WASF3: variants seen among roughly 807,000 people sequenced by gnomAD.
WASF3 encodes the protein WASP family member 3.
A neutral mutation model predicts 46.6 loss-of-function variants in WASF3; 11 were observed. The ratio of observed to expected loss-of-function variants is 0.24; its 90% CI spans 0.15 to 0.39. The LOEUF (loss-of-function observed/expected upper bound fraction) is 0.39. WASF3 is among the 10% of genes least tolerant of loss of function. The pLI is 1.00. For missense variants in WASF3, 576 were observed against 669.8 expected, an observed-to-expected ratio of 0.86 and a Z score of 1.55; for synonymous variants, 242 against 259.7, an observed-to-expected ratio of 0.93 and a Z score of 0.65.
At chr13:26,596,846 C>T (rs978903883) in intron 1 of WASF3, among the ~76,000 whole-genome samples, 3 of 152,190 alleles carry the variant, frequency 2.0e-5, no homozygotes, top group Non-Finnish European at 4.4e-5. Context: ...CTCATAGAAC[C>T]ACCTTCTGCT....
At chr13:26,665,191 A>G in intron 4 of WASF3, 29 bp downstream of exon 4, 2 of 1,609,836 alleles carry the variant, frequency 1.2e-6, no homozygotes, top group Non-Finnish European at 8.5e-7. Flanking sequence ...GCAGTGAGCT[A>G]GAAGTGATGT....
upstream of WASF3, among the ~76,000 whole-genome samples, chr13:26,553,162 CGCTGCA>C (rs1879005986): frequency 6.6e-6 from 1 of 152,204 alleles, no homozygotes; most frequent in Non-Finnish European, 1.5e-5. Flanking sequence ...CTTCACTACA[CGCTGCA>C]TGCACGGGAT....
chr13:26,667,509 C>T lies in WASF3; in HGVS notation c.269-8C>T. ...TATAACTCAACTTGGGGGATTTTCTCTAAATAGTCTCACTACAGGATATCA... is the reference window on the plus strand; with the variant it reads ...TATAACTCAACTTGGGGGATTTTCTTTAAATAGTCTCACTACAGGATATCA... On this transcript the variant is annotated splice_polypyrimidine_tract_variant and splice_region_variant and intron_variant, in intron 4 of 9. Coordinates refer to ENST00000335327, the MANE Select transcript of WASF3 (RefSeq NM_006646.6). 6.2e-7 allele frequency: 1 copy of T among 1,604,964 alleles called. No homozygotes were observed. Among genetic ancestry groups the T allele is most frequent in the Non-Finnish European group, 8.5e-7 (1 of 1,176,406 alleles).
In WASF3 at chr13:26,685,871, G is replaced by A. The variant is rs759683384; in HGVS notation, c.*26G>A. ...GCAAAGGCCGGCGGAGAGGCCGCGTGTGGGAGCGTGTTGAAGATTTTAAGT... is the reference window on the plus strand; with the variant it reads ...GCAAAGGCCGGCGGAGAGGCCGCGTATGGGAGCGTGTTGAAGATTTTAAGT... On this transcript the variant is annotated 3_prime_UTR_variant, in exon 10 of 10. Coordinates refer to ENST00000335327, the MANE Select transcript of WASF3 (RefSeq NM_006646.6). 4.4e-6 allele frequency: 7 copies of A among 1,603,650 alleles called. No homozygotes were observed. The Admixed American group carries it at 6.7e-5, about 15-fold the overall frequency.
At chr13:26,567,762 T>C (rs1455784600) in intron 1 of WASF3, among the ~76,000 whole-genome samples, 1 of 152,114 alleles carries the variant, frequency 6.6e-6, no homozygotes, top group Non-Finnish European at 1.5e-5. Context: ...CTATGCTTTC[T>C]TTAGTATACA....
intron 5 of WASF3, among the ~76,000 whole-genome samples, chr13:26,668,848 G>A (rs558220293): frequency 5.9e-5 from 9 of 152,314 alleles, no homozygotes; most frequent in Non-Finnish European, 1.3e-4. Context: ...TTAAGAATAT[G>A]TATGAATATA....
chr13:26,565,024 G>C (rs1879419018), intron 1 of WASF3, among the ~76,000 whole-genome samples: 1 of 143,370 alleles, frequency 7.0e-6, no homozygotes. Context: ...CTATCCTAAT[G>C]TTAGAATTAA....
intron 1 of WASF3, among the ~76,000 whole-genome samples, chr13:26,604,328 G>A (rs1023914148): frequency 2.0e-4 from 30 of 152,158 alleles, no homozygotes; most frequent in African/African-American, 7.0e-4. Flanking sequence ...GCAATGGGGA[G>A]CCTGTTGGAT....
At chr13:26,635,334 C>T (rs1290049795) in intron 2 of WASF3, among the ~76,000 whole-genome samples, 2 of 152,142 alleles carry the variant, frequency 1.3e-5, no homozygotes, top group Non-Finnish European at 2.9e-5. Context: ...TTTTCAGCTC[C>T]ATCAGGTCAT....
At chr13:26,681,417 C>T (rs954240832) in intron 8 of WASF3, 97 bp downstream of exon 8, 7 of 1,388,078 alleles carry the variant, frequency 5.0e-6, no homozygotes, top group South Asian at 4.3e-5. Flanking sequence ...TTTTAGAGGC[C>T]AAGATAGAGT....
At chr13:26,614,940 T>C (rs1322827958) in intron 2 of WASF3, among the ~76,000 whole-genome samples, 1 of 68,566 alleles carries the variant, frequency 1.5e-5, no homozygotes, top group Non-Finnish European at 3.0e-5. Flanking sequence ...AGAAGCGCTG[T>C]CTGTGTTCAG....
intron 1 of WASF3, among the ~76,000 whole-genome samples, chr13:26,561,166 G>A (rs142319046): frequency 4.6e-4 from 70 of 152,234 alleles, no homozygotes; most frequent in African/African-American, 1.5e-3. Context: ...ACTGTTGTGT[G>A]GAGTTCGGAG....
chr13:26,586,296 A>G (rs1288963288), intron 1 of WASF3, among the ~76,000 whole-genome samples: 1 of 152,106 alleles, frequency 6.6e-6, no homozygotes, highest in African/African-American at 2.4e-5. Context: ...CTGTTAATAC[A>G]TCTGAAACTT....
At chr13:26,651,378 G>GA (rs1253250739) in intron 3 of WASF3, among the ~76,000 whole-genome samples, 2 of 150,328 alleles carry the variant, frequency 1.3e-5, no homozygotes, top group Admixed American at 6.7e-5. Flanking sequence ...GAGATGAAGA[G>GA]AAAATCTTAA....
chr13:26,659,693 A>G (rs1470094358), intron 3 of WASF3, among the ~76,000 whole-genome samples: 2 of 152,094 alleles, frequency 1.3e-5, no homozygotes, highest in Admixed American at 6.5e-5. Context: ...GAGCAGTCAG[A>G]CCCTGGATAT....
At chr13:26,556,021 A>C (rs1227243453), upstream of WASF3, among the ~76,000 whole-genome samples, 1 of 152,244 alleles carries the variant, frequency 6.6e-6, no homozygotes, top group Non-Finnish European at 1.5e-5. Flanking sequence ...AATCATATTT[A>C]CCACATGCTC....
At chr13:26,585,336 C>T (rs905693703) in intron 1 of WASF3, among the ~76,000 whole-genome samples, 1 of 148,164 alleles carries the variant, frequency 6.7e-6, no homozygotes, top group Non-Finnish European at 1.5e-5. Context: ...TATGCTGTTA[C>T]GTTAGTGCTT....
Position 26,626,093 on chromosome 13 carries a change from A to G in WASF3, c.-11+13035A>G, listed in dbSNP as rs184658189. On this transcript the variant is annotated intron_variant, in intron 2 of 9. Coordinates refer to ENST00000335327, the MANE Select transcript of WASF3 (RefSeq NM_006646.6). ...AAAGACTTTTATTCAGGACCATTGC[A>G]GAAGGTAGAGGAGCCACTGCAACAG... is the stretch of plus-strand genomic sequence containing the variant. 3.2e-4 allele frequency: 49 copies of G among 152,326 alleles called. 1 individual carries two copies. The highest frequency in any genetic ancestry group is 3.2e-3 in the Admixed American group (49 of 15,292). 9.4% of individuals were successfully genotyped at this position (152,326 alleles called of 1,614,324 possible).
intron 1 of WASF3, among the ~76,000 whole-genome samples, chr13:26,558,626 C>T (rs183347304): frequency 2.6e-5 from 4 of 152,334 alleles, no homozygotes; most frequent in African/African-American, 7.2e-5. Flanking sequence ...GGAGAGTTCC[C>T]TGGTGGAGAC....
Sources: gnomAD v4.1 joint callset for allele counts (sites outside exome capture counted in the v4.1 genomes callset) on GRCh38, gnomAD v4.1.1 for gene constraint, MANE v1.5 for transcripts, NCBI Gene and HGNC (gene_info 2026-07-23, HGNC 2026-07-21) for gene names.